Variants in EPYC observed in about 807,000 individuals in gnomAD.
The protein encoded by EPYC is dermatan sulfate proteoglycan 3.
EPYC carries 28 observed loss-of-function variants against 30.1 expected under a neutral mutation model. The ratio of observed to expected loss-of-function variants is 0.93; its 90% CI spans 0.69 to 1.28. EPYC has a LOEUF of 1.28. Among genes scored for constraint, EPYC ranks in the 50% most tolerant of loss-of-function variants. The pLI is 0.00. For missense variants in EPYC, 382 were observed against 383.5 expected (o/e 1.00, Z 0.03); for synonymous variants, 144 against 141.4 (o/e 1.02, Z -0.13).
At chr12:90,986,490 C>G (rs1188192279) in intron 2 of EPYC, among the ~76,000 whole-genome samples, 1 of 152,138 alleles carries the variant, frequency 6.6e-6, no homozygotes, top group Non-Finnish European at 1.5e-5. Flanking sequence ...ATACTCTGCG[C>G]TCTCAAATAC....
At chr12:90,972,068 A>G in intron 4 of EPYC, 66 bp from the exon 5 acceptor site, 1 of 1,008,744 alleles carries the variant, frequency 9.9e-7, no homozygotes, top group Non-Finnish European at 1.4e-6. Context: ...ATATAAATGT[A>G]ATTTTCCTTT....
chr12:91,001,194 G>A (rs967746793), intron 2 of EPYC, among the ~76,000 whole-genome samples: 1 of 151,964 alleles, frequency 6.6e-6, no homozygotes, highest in East Asian at 1.9e-4. Flanking sequence ...ATCACATTGT[G>A]AAAATCTGAC....
Position 90,969,758 on chromosome 12 carries a change from G to GT in EPYC, c.798+285dup, listed in dbSNP as rs199837991. ...TCTTCAACACGTGAAACTTTCAGTG[G>GT]TTTTTTTTCTAAAGAAGATTTGTGT... is the stretch of plus-strand genomic sequence containing the variant. On this transcript the variant is annotated intron_variant, in intron 6 of 6. Coordinates refer to ENST00000261172, the MANE Select transcript of EPYC (RefSeq NM_004950.5). 3.2e-3 allele frequency among the ~76,000 whole-genome samples: 478 copies of GT among 151,462 alleles called. 4 individuals are homozygous for GT. The highest frequency in any genetic ancestry group is 0.011 in the African/African-American group (442 of 41,248).
intron 6 of EPYC, among the ~76,000 whole-genome samples, chr12:90,966,836 T>G (rs1325463967): frequency 1.3e-5 from 2 of 152,132 alleles, no homozygotes; most frequent in East Asian, 3.8e-4. Flanking sequence ...CTATTCAGAT[T>G]ATCCATTCTT....
chr12:90,996,180 A>G (rs934783592), intron 2 of EPYC, among the ~76,000 whole-genome samples: 2 of 151,838 alleles, frequency 1.3e-5, no homozygotes, highest in African/African-American at 4.8e-5. Context: ...TCCTAGACTA[A>G]TTACCCTTTA....
chr12:90,998,282 T>C (rs1366817701), intron 2 of EPYC, among the ~76,000 whole-genome samples: 5 of 152,036 alleles, frequency 3.3e-5, no homozygotes, highest in African/African-American at 9.7e-5. Context: ...AGCACTAGAG[T>C]AAAATGAAAG....
chr12:90,975,363 A>G (rs182265898), intron 3 of EPYC, among the ~76,000 whole-genome samples: 3 of 152,176 alleles, frequency 2.0e-5, no homozygotes, highest in Admixed American at 2.0e-4. Context: ...TCAAGGCTAT[A>G]TTACACGGTT....
chr12:90,973,706 G>C (rs1414032877), intron 3 of EPYC, among the ~76,000 whole-genome samples: 1 of 152,130 alleles, frequency 6.6e-6, no homozygotes, highest in African/African-American at 2.4e-5. Context: ...CCTTCACTTT[G>C]GAGGGACTGA....
chr12:90,964,392 T>G, intron 6 of EPYC, 66 bp from the exon 7 acceptor site: 2 of 1,190,386 alleles, frequency 1.7e-6, no homozygotes, highest in Non-Finnish European at 2.4e-6. Context: ...GATAGCGCAG[T>G]CCACTGTGCT....
chr12:90,996,858 C>T (rs1192799552), intron 2 of EPYC, among the ~76,000 whole-genome samples: 1 of 151,872 alleles, frequency 6.6e-6, no homozygotes, highest in East Asian at 1.9e-4. Context: ...CATATCATTC[C>T]AGAAAGGATA....
chr12:90,980,123 A>G (rs1308722274), intron 2 of EPYC, among the ~76,000 whole-genome samples: 2 of 152,174 alleles, frequency 1.3e-5, no homozygotes, highest in Non-Finnish European at 2.9e-5. Flanking sequence ...AGGAGGCTCC[A>G]GGAAGAGCGG....
chr12:90,987,291 GC>G lies in EPYC; in HGVS notation c.166-9030del, dbSNP rs1565874300. On this transcript the variant is annotated intron_variant, in intron 2 of 6. Transcript: ENST00000261172. ...CTAGCCCTGAGATAACCTCCCCTCC[GC>G]CCAGAGACATTCCAACCACACCATA... Among the ~76,000 whole-genome samples the G allele has an allele frequency of 4.6e-5, 7 of 150,862 alleles. No individual in the cohort carries two copies. In the South Asian group the frequency reaches 1.5e-3, roughly 32 times the overall value.
chr12:90,975,788 TA>T (rs1196188400), intron 3 of EPYC, among the ~76,000 whole-genome samples: 1 of 152,118 alleles, frequency 6.6e-6, no homozygotes, highest in African/African-American at 2.4e-5. Flanking sequence ...TTATGCTGGA[TA>T]TTTACATTTT....
intron 2 of EPYC, among the ~76,000 whole-genome samples, chr12:90,987,489 A>G (rs1877481718): frequency 6.6e-6 from 1 of 152,174 alleles, no homozygotes; most frequent in African/African-American, 2.4e-5. Flanking sequence ...ACCACATTTC[A>G]TGTGTCTTTC....
chr12:90,983,452 T>G (rs1877372910), intron 2 of EPYC, among the ~76,000 whole-genome samples: 1 of 152,160 alleles, frequency 6.6e-6, no homozygotes, highest in South Asian at 2.1e-4. Flanking sequence ...TGTCAGGCTT[T>G]CTGGGAAAGG....
At chr12:91,004,348 T>C (rs756569169) in intron 1 of EPYC, among the ~76,000 whole-genome samples, 2 of 152,130 alleles carry the variant, frequency 1.3e-5, no homozygotes, top group Non-Finnish European at 2.9e-5. Context: ...ATCTTAAAAA[T>C]ATATACAGCA....
In EPYC at chr12:90,977,968, A is replaced by C. The variant is rs1592625449; in HGVS notation, c.340+120T>G. The C allele has an allele frequency of 1.7e-5, 12 of 708,620 alleles. No individual in the cohort carries two copies. The East Asian group carries it at 2.5e-4, about 15-fold the overall frequency. The allele number at this position is 708,620 out of a possible 1,614,324, so 43.9% of individuals were successfully genotyped here. ...CTATGTATAAATATGCTTCAAACCT[A>C]GCCTATTCCAAAACTTTTTTCTTGG... On this transcript the variant is annotated intron_variant, in intron 3 of 6. Transcript: ENST00000261172.
intron 3 of EPYC, among the ~76,000 whole-genome samples, chr12:90,975,939 CTG>C: frequency 6.6e-6 from 1 of 152,080 alleles, no homozygotes; most frequent in Non-Finnish European, 1.5e-5. Flanking sequence ...CATATCACCT[CTG>C]TGTTACTGGA....
At chr12:90,982,942 A>G (rs1262860432) in intron 2 of EPYC, among the ~76,000 whole-genome samples, 1 of 152,174 alleles carries the variant, frequency 6.6e-6, no homozygotes. Context: ...TAGTGCTGCA[A>G]TAAACATGAG....
Sources: gnomAD v4.1 joint callset for allele counts (sites outside exome capture counted in the v4.1 genomes callset) on GRCh38, gnomAD v4.1.1 for gene constraint, MANE v1.5 for transcripts, NCBI Gene and HGNC (gene_info 2026-07-23, HGNC 2026-07-21) for gene names.